The following CTIF variants were observed in gnomAD, a reference collection of about 807,000 sequenced individuals.
CTIF encodes CBP80/20-dependent translation initiation factor.
CTIF carries 21 observed loss-of-function variants against 66.0 expected under a neutral mutation model. The observed-to-expected ratio is 0.32, with a 90% CI of 0.23 to 0.46. The LOEUF (loss-of-function observed/expected upper bound fraction) is 0.46, where lower values mean the gene tolerates loss of function less well. Among genes scored for constraint, CTIF ranks in the 20% least tolerant of loss-of-function variants. The pLI is 1.00. For missense variants in CTIF, 739 were observed against 812.7 expected, an observed-to-expected ratio of 0.91 and a Z score of 1.10; for synonymous variants, 345 against 326.4, an observed-to-expected ratio of 1.06 and a Z score of -0.62.
chr18:48,789,528 A>G (rs2067746636), intron 9 of CTIF, among the ~76,000 whole-genome samples: 1 of 152,226 alleles, frequency 6.6e-6, no homozygotes, highest in Non-Finnish European at 1.5e-5. Context: ...CTAATATTAT[A>G]GGTCTAGCCC....
At chr18:48,749,220 C>T (rs1400785984) in intron 7 of CTIF, among the ~76,000 whole-genome samples, 2 of 152,186 alleles carry the variant, frequency 1.3e-5, no homozygotes, top group Non-Finnish European at 2.9e-5. Flanking sequence ...AGTGAGACAG[C>T]AGAGGGCCAG....
At chr18:48,675,512 C>T (rs531106178) in intron 6 of CTIF, among the ~76,000 whole-genome samples, 5 of 152,332 alleles carry the variant, frequency 3.3e-5, no homozygotes, top group East Asian at 1.9e-4. Context: ...GCGTCTTCAC[C>T]GGCCATGCCT....
rs752599548 is a variant in CTIF at position 48,758,181 on chromosome 18, G to A, written c.847G>A (p.Glu283Lys). The A allele has an allele frequency of 1.2e-6, 2 of 1,613,906 alleles. No individual in the cohort carries two copies. The highest frequency in any genetic ancestry group is 2.2e-5 in the South Asian group (2 of 91,052). Reference protein sequence around the residue: ...ETMTIENPKLEDTAGDTGHSS... With the variant: ...ETMTIENPKLKDTAGDTGHSS... The stretch of plus-strand genomic sequence containing the variant: ...CATGACCATCGAGAACCCAAAACTG[G>A]AGGACACTGCAGGGGACACCGGGCA... Residue 283 changes from glutamate to lysine, a missense_variant, in exon 8 of 12, where the codon GAG becomes AAG. Coordinates refer to ENST00000256413, the MANE Select transcript of CTIF (RefSeq NM_014772.3).
Position 48,702,883 on chromosome 18 carries a change from A to T in CTIF, c.508-8736A>T, listed in dbSNP as rs575116082. 1.0e-3 allele frequency among the ~76,000 whole-genome samples: 155 copies of T among 151,818 alleles called. 1 individual carries two copies. The highest frequency in any genetic ancestry group is 3.6e-3 in the African/African-American group (151 of 41,372). ...TGACCCACACATCCTGCCCACGTGG[A>T]GAGAGACCTTGGTAGGATAACTTCT... On this transcript the variant is annotated intron_variant, in intron 6 of 11. Transcript: ENST00000256413.
At chr18:48,850,000 T>C (rs967258866) in intron 10 of CTIF, among the ~76,000 whole-genome samples, 7 of 152,124 alleles carry the variant, frequency 4.6e-5, no homozygotes, top group Non-Finnish European at 1.0e-4. Context: ...TGAAACTCTG[T>C]CCCCATGAAA....
intron 10 of CTIF, 26 bp downstream of exon 10, chr18:48,817,402 C>T: frequency 1.3e-6 from 2 of 1,593,842 alleles, no homozygotes; most frequent in South Asian, 1.1e-5. Flanking sequence ...CCTGTGCCCC[C>T]TGCACAGCCA....
At chr18:48,795,550 C>G (rs758256380) in intron 9 of CTIF, among the ~76,000 whole-genome samples, 2 of 152,178 alleles carry the variant, frequency 1.3e-5, no homozygotes, top group Non-Finnish European at 2.9e-5. Context: ...TTAGTTTTAT[C>G]TTATTCGGGT....
chr18:48,856,125 G>A (rs1386254543), intron 10 of CTIF, among the ~76,000 whole-genome samples: 4 of 152,242 alleles, frequency 2.6e-5, no homozygotes, highest in Admixed American at 2.0e-4. Context: ...AAAGAGGGCT[G>A]TGGTAGGAGT....
intron 10 of CTIF, among the ~76,000 whole-genome samples, chr18:48,847,932 C>T (rs192400675): frequency 4.6e-5 from 7 of 152,288 alleles, no homozygotes; most frequent in Admixed American, 1.3e-4. Context: ...CTTGATGACT[C>T]GTCATTACCA....
At chr18:48,653,758 G>A (rs2091198822) in intron 3 of CTIF, among the ~76,000 whole-genome samples, 1 of 152,192 alleles carries the variant, frequency 6.6e-6, no homozygotes, top group Non-Finnish European at 1.5e-5. Flanking sequence ...AAACAGCATT[G>A]CACTGGTACC....
intron 1 of CTIF, among the ~76,000 whole-genome samples, chr18:48,549,986 G>C (rs188018150): frequency 6.6e-6 from 1 of 152,202 alleles, no homozygotes; most frequent in East Asian, 1.9e-4. Flanking sequence ...TTGTTTGTTT[G>C]TTTGTTTTTT....
At chr18:48,719,260 G>A (rs1008409520) in intron 7 of CTIF, among the ~76,000 whole-genome samples, 1 of 152,064 alleles carries the variant, frequency 6.6e-6, no homozygotes, top group Non-Finnish European at 1.5e-5. Context: ...AAGGACTCTG[G>A]GGGATACCAA....
chr18:48,697,502 C>T (rs921431796), intron 6 of CTIF, among the ~76,000 whole-genome samples: 1 of 152,126 alleles, frequency 6.6e-6, no homozygotes, highest in Non-Finnish European at 1.5e-5. Flanking sequence ...GAAGATGTTC[C>T]AGGCTGAAGA....
At chr18:48,664,644 G>A in intron 5 of CTIF, 93 bp downstream of exon 5, 1 of 1,058,600 alleles carries the variant, frequency 9.4e-7, no homozygotes, top group Non-Finnish European at 1.4e-6. Context: ...GCTGCACAGG[G>A]GACTCAGGTG....
chr18:48,543,018 TG>T (rs2088657044), intron 1 of CTIF, among the ~76,000 whole-genome samples: 1 of 152,258 alleles, frequency 6.6e-6, no homozygotes, highest in African/African-American at 2.4e-5. Context: ...AGGCCCTGCC[TG>T]GGTGTAGGAG....
intron 9 of CTIF, among the ~76,000 whole-genome samples, chr18:48,811,596 C>T (rs987850699): frequency 2.6e-5 from 4 of 152,192 alleles, no homozygotes; most frequent in Non-Finnish European, 5.9e-5. Context: ...AACCACCATT[C>T]TACTGTCGTT....
intron 10 of CTIF, among the ~76,000 whole-genome samples, chr18:48,822,321 G>T (rs534274037): frequency 6.2e-4 from 94 of 152,224 alleles, no homozygotes; most frequent in Middle Eastern, 3.4e-3. Flanking sequence ...ATCACCTCGA[G>T]TATTTATCAT....
intron 5 of CTIF, among the ~76,000 whole-genome samples, chr18:48,670,434 C>T (rs2091510553): frequency 6.6e-6 from 1 of 152,118 alleles, no homozygotes; most frequent in Non-Finnish European, 1.5e-5. Context: ...GCAAGGGGAA[C>T]TCTGGTTCCT....
intron 6 of CTIF, among the ~76,000 whole-genome samples, chr18:48,686,099 C>G (rs57855289): frequency 0.25 from 38,288 of 152,144 alleles, 5,314 homozygotes; most frequent in African/African-American, 0.36. Flanking sequence ...CTTAATGATT[C>G]GTGCCTGAAA....
Sources: gnomAD v4.1 joint callset for allele counts (sites outside exome capture counted in the v4.1 genomes callset) on GRCh38, gnomAD v4.1.1 for gene constraint, MANE v1.5 for transcripts, NCBI Gene and HGNC (gene_info 2026-07-23, HGNC 2026-07-21) for gene names.